NYAP2: variants seen among roughly 807,000 people sequenced by gnomAD.
NYAP2 encodes neuronal tyrosine-phosphorylated phosphoinositide-3-kinase adaptor 2, also known as neuronal tyrosine-phosphorylated phosphoinositide-3-kinase adapter 2.
Under a neutral mutation model 50.4 loss-of-function variants are expected in NYAP2, and 23 were observed. The ratio of observed to expected loss-of-function variants is 0.46; its 90% CI spans 0.33 to 0.65. NYAP2 has a LOEUF of 0.65. Among genes scored for constraint, NYAP2 ranks in the 30% least tolerant of loss-of-function variants. The pLI, the probability that NYAP2 is intolerant of heterozygous loss-of-function variation, is 0.02. For synonymous variants in NYAP2, 394 were observed against 365.2 expected (o/e 1.08, Z -0.90); for missense variants, 885 against 861.0 (o/e 1.03, Z -0.35).
chr2:225,458,991 T>A (rs1473158217), intron 3 of NYAP2, among the ~76,000 whole-genome samples: 1 of 152,234 alleles, frequency 6.6e-6, no homozygotes, highest in Non-Finnish European at 1.5e-5. Context: ...TCATATTTAG[T>A]CTCTTTCTAG....
intron 6 of NYAP2, among the ~76,000 whole-genome samples, chr2:225,633,625 A>G (rs1693358045): frequency 6.6e-6 from 1 of 152,202 alleles, no homozygotes; most frequent in African/African-American, 2.4e-5. Flanking sequence ...ATATTTCTCC[A>G]TTACAAGGAA....
At chr2:225,583,714 T>A (rs966876756) in intron 5 of NYAP2, among the ~76,000 whole-genome samples, 6 of 152,148 alleles carry the variant, frequency 3.9e-5, no homozygotes, top group Admixed American at 3.9e-4. Flanking sequence ...ATGCAATTGA[T>A]AAATGTTAAA....
chr2:225,586,459 G>T (rs1401467885), intron 5 of NYAP2, among the ~76,000 whole-genome samples: 1 of 151,832 alleles, frequency 6.6e-6, no homozygotes, highest in African/African-American at 2.4e-5. Context: ...TTTTTTAGTT[G>T]GTCATTATTA....
At chr2:225,515,103 C>T (rs1690904420) in intron 4 of NYAP2, among the ~76,000 whole-genome samples, 1 of 152,202 alleles carries the variant, frequency 6.6e-6, no homozygotes, top group African/African-American at 2.4e-5. Context: ...CAACCAATAT[C>T]TTCAATACCA....
In NYAP2 at chr2:225,596,952, A is replaced by G. The variant is rs551353785; in HGVS notation, c.1618+13917A>G. Among the ~76,000 whole-genome samples the G allele has an allele frequency of 9.2e-5, 14 of 152,280 alleles. No individual in the cohort carries two copies. The East Asian group carries it at 2.5e-3, about 27-fold the overall frequency. On this transcript the variant is annotated intron_variant, in intron 5 of 6. Transcript: ENST00000636099. ...AGAAGATGAAAAATAAAGTAAGAAT[A>G]AAAGTGTACCTTCATTTTCATATCT... is the stretch of plus-strand genomic sequence containing the variant.
intron 4 of NYAP2, among the ~76,000 whole-genome samples, chr2:225,531,115 G>T (rs763251076): frequency 1.3e-5 from 2 of 152,096 alleles, no homozygotes; most frequent in Non-Finnish European, 2.9e-5. Context: ...TGACTATCCT[G>T]CTTATCATTT....
intron 5 of NYAP2, among the ~76,000 whole-genome samples, chr2:225,589,543 T>TATATATATATATATATATATA (rs1553553414): frequency 1.0e-4 from 5 of 48,180 alleles, no homozygotes; most frequent in South Asian, 1.0e-3. Flanking sequence ...ATATATATAT[T>TATATATATATATATATATATA]TAATAGCTGG....
chr2:225,550,103 A>G (rs1559211813), intron 4 of NYAP2, among the ~76,000 whole-genome samples: 2 of 152,174 alleles, frequency 1.3e-5, no homozygotes, highest in Non-Finnish European at 2.9e-5. Context: ...GAAATGGAGA[A>G]AAAGGTCAGC....
chr2:225,665,367 T>A, the NYAP2 span, among the ~76,000 whole-genome samples: 1 of 152,090 alleles, frequency 6.6e-6, no homozygotes, highest in Non-Finnish European at 1.5e-5. Context: ...TGTTTTTAAG[T>A]GTGAACACCC....
At chr2:225,666,982 T>C in the NYAP2 span, among the ~76,000 whole-genome samples, 23 of 152,044 alleles carry the variant, frequency 1.5e-4, no homozygotes, top group Admixed American at 1.2e-3. Flanking sequence ...AGGGTCAGAT[T>C]GGAAAGTAAG....
intron 4 of NYAP2, among the ~76,000 whole-genome samples, chr2:225,543,424 C>T (rs1305366750): frequency 6.6e-6 from 1 of 151,838 alleles, no homozygotes; most frequent in Non-Finnish European, 1.5e-5. Flanking sequence ...ACTGTTTTCA[C>T]TGTATCCCAA....
At chr2:225,505,379 T>C (rs1690686423) in intron 3 of NYAP2, among the ~76,000 whole-genome samples, 1 of 152,206 alleles carries the variant, frequency 6.6e-6, no homozygotes, top group Non-Finnish European at 1.5e-5. Context: ...AATGAGCATG[T>C]GTGGCTCAGG....
the NYAP2 span, among the ~76,000 whole-genome samples, chr2:225,682,421 A>G: frequency 1.3e-5 from 2 of 152,144 alleles, no homozygotes; most frequent in African/African-American, 4.8e-5. Flanking sequence ...TTTTTTGGCC[A>G]CTTCAACTCC....
chr2:225,502,198 T>C (rs1165332017), intron 3 of NYAP2, among the ~76,000 whole-genome samples: 2 of 152,170 alleles, frequency 1.3e-5, no homozygotes, highest in African/African-American at 4.8e-5. Flanking sequence ...AAGAGGCAAT[T>C]GCATTAATTT....
At chr2:225,530,488 T>A (rs893435341) in intron 4 of NYAP2, among the ~76,000 whole-genome samples, 2 of 152,210 alleles carry the variant, frequency 1.3e-5, no homozygotes, top group Non-Finnish European at 2.9e-5. Flanking sequence ...TGAACCTCCA[T>A]ACTTCCTAAA....
chr2:225,465,288 T>C (rs1689898860), intron 3 of NYAP2, among the ~76,000 whole-genome samples: 1 of 152,058 alleles, frequency 6.6e-6, no homozygotes, highest in South Asian at 2.1e-4. Context: ...AACCTGACCC[T>C]CCTGCAGATA....
At chr2:225,408,938 C>A in exon 3 of NYAP2, 1 of 1,612,018 alleles carries the variant, frequency 6.2e-7, no homozygotes. Flanking sequence ...GGACACATTT[C>A]TCCAGTACAT....
downstream of NYAP2, among the ~76,000 whole-genome samples, chr2:225,657,291 T>C (rs904502245): frequency 6.6e-6 from 1 of 151,854 alleles, no homozygotes; most frequent in African/African-American, 2.4e-5. Flanking sequence ...TTTGTATTTT[T>C]AGTAGAGACG....
intron 5 of NYAP2, among the ~76,000 whole-genome samples, chr2:225,604,921 T>G (rs931249189): frequency 2.0e-5 from 3 of 152,156 alleles, no homozygotes; most frequent in African/African-American, 7.2e-5. Context: ...CATGAAATTT[T>G]AATAGCTATG....
Sources: gnomAD v4.1 joint callset for allele counts (sites outside exome capture counted in the v4.1 genomes callset) on GRCh38, gnomAD v4.1.1 for gene constraint, MANE v1.5 for transcripts, NCBI Gene and HGNC (gene_info 2026-07-23, HGNC 2026-07-21) for gene names.